The following CRYL1 variants were observed in gnomAD, a reference collection of about 807,000 sequenced individuals.
CRYL1 encodes lambda-crystallin homolog.
A neutral mutation model predicts 36.6 loss-of-function variants in CRYL1; 29 were observed. The ratio of observed to expected loss-of-function variants is 0.79; its 90% CI spans 0.59 to 1.08. The LOEUF (loss-of-function observed/expected upper bound fraction) is 1.08. CRYL1 is among the 50% of genes least tolerant of loss of function. The pLI, the probability that CRYL1 is intolerant of heterozygous loss-of-function variation, is 0.00. For missense variants in CRYL1, 411 were observed against 407.9 expected (o/e 1.01, Z -0.06); for synonymous variants, 152 against 151.5 (o/e 1.00, Z -0.02).
chr13:20,487,508 A>C (rs924225394), intron 3 of CRYL1, among the ~76,000 whole-genome samples: 2 of 152,250 alleles, frequency 1.3e-5, no homozygotes, highest in Admixed American at 6.5e-5. Flanking sequence ...TGGAGATATC[A>C]GCCCAGAGTT....
chr13:20,436,980 C>T (rs2032233891), intron 4 of CRYL1, among the ~76,000 whole-genome samples: 2 of 151,994 alleles, frequency 1.3e-5, no homozygotes, highest in African/African-American at 4.8e-5. Flanking sequence ...CCTGTCCAGT[C>T]CCCTAGAGGT....
At chr13:20,413,515 C>T (rs2137367022) in intron 5 of CRYL1, 128 bp from the exon 6 acceptor site, 2 of 593,772 alleles carry the variant, frequency 3.4e-6, no homozygotes, top group Non-Finnish European at 6.1e-6. Context: ...AGGGTGAGTA[C>T]CACTTACCGA....
At chr13:20,492,842 G>T (rs9552206) in intron 2 of CRYL1, among the ~76,000 whole-genome samples, 3 of 152,050 alleles carry the variant, frequency 2.0e-5, no homozygotes, top group Non-Finnish European at 4.4e-5. Flanking sequence ...ACTTGGGGGT[G>T]CTACCAACCA....
intron 2 of CRYL1, among the ~76,000 whole-genome samples, chr13:20,495,908 C>T (rs1214538309): frequency 6.6e-6 from 1 of 152,198 alleles, no homozygotes. Flanking sequence ...GGCGATTCTC[C>T]TGCCTCAGCT....
At chr13:20,431,864 G>A in intron 5 of CRYL1, 2 of 1,468,496 alleles carry the variant, frequency 1.4e-6, no homozygotes, top group Non-Finnish European at 1.8e-6. Flanking sequence ...ATCGTGTCCT[G>A]GTATCAGGTG....
intron 2 of CRYL1, among the ~76,000 whole-genome samples, chr13:20,493,841 G>A (rs972437147): frequency 1.3e-5 from 2 of 152,182 alleles, no homozygotes; most frequent in Non-Finnish European, 2.9e-5. Context: ...TAACTGCTGT[G>A]AGCTGCCAGA....
rs925062804 is a variant in CRYL1, at chr13:20,413,368, C to T, written c.653G>A (p.Ser218Asn). ...TTCTGACATGACAAGGTCCAGGTCA[C>T]TAGGAGACACGATTCCTTCCTACGT... ...RLVEEGIVSPSDLDLVMSEGL... is the reference protein window; with the variant it reads ...RLVEEGIVSPNDLDLVMSEGL... Residue 218 changes from serine to asparagine, a missense_variant, in exon 6 of 8, where the codon AGT becomes AAT. Physicochemically the swap from Ser to Asn is conservative, Grantham distance 46. Coordinates refer to ENST00000298248, the MANE Select transcript of CRYL1 (RefSeq NM_015974.3). 3.1e-6 allele frequency: 5 copies of T among 1,612,602 alleles called. No individual in the cohort carries two copies. The highest frequency in any genetic ancestry group is 4.2e-6 in the Non-Finnish European group (5 of 1,179,134).
At chr13:20,454,419 GTTT>G (rs59272530) in intron 3 of CRYL1, among the ~76,000 whole-genome samples, 1 of 133,988 alleles carries the variant, frequency 7.5e-6, no homozygotes, top group Non-Finnish European at 1.6e-5. Flanking sequence ...ATTCGTGTTT[GTTT>G]TTTTTTTTTT....
chr13:20,460,663 C>T (rs1465985036), intron 3 of CRYL1, among the ~76,000 whole-genome samples: 6 of 151,092 alleles, frequency 4.0e-5, no homozygotes, highest in African/African-American at 7.3e-5. Context: ...GTAGCCGGGA[C>T]TACAGGCGCC....
intron 3 of CRYL1, among the ~76,000 whole-genome samples, chr13:20,454,700 T>C (rs890878570): frequency 6.6e-6 from 1 of 152,168 alleles, no homozygotes; most frequent in Non-Finnish European, 1.5e-5. Flanking sequence ...ATTACAGGCG[T>C]GAGCCACCGC....
intron 2 of CRYL1, among the ~76,000 whole-genome samples, chr13:20,493,180 G>A (rs1042807295): frequency 2.6e-5 from 4 of 152,196 alleles, no homozygotes; most frequent in African/African-American, 9.7e-5. Context: ...CTTGGAACTG[G>A]TGCTCCGAGG....
intron 5 of CRYL1, chr13:20,430,512 C>T (rs907893674): frequency 2.0e-6 from 2 of 985,286 alleles, no homozygotes; most frequent in South Asian, 4.7e-5. Context: ...GGGTGGACAT[C>T]GTGAGTCAGC....
intron 3 of CRYL1, among the ~76,000 whole-genome samples, chr13:20,470,917 AAAAAAAAAAC>A (rs1317263918): frequency 2.0e-5 from 3 of 150,580 alleles, no homozygotes; most frequent in African/African-American, 7.4e-5. Flanking sequence ...TCTCAAAAAA[AAAAAAAAAAC>A]AAAAAAAAAA....
chr13:20,420,100 C>T (rs886913493), intron 5 of CRYL1, among the ~76,000 whole-genome samples: 7 of 152,232 alleles, frequency 4.6e-5, no homozygotes, highest in Admixed American at 6.5e-5. Context: ...GACATTCCTG[C>T]GGAATGACTT....
At chr13:20,424,942 T>C (rs1565959557) in intron 5 of CRYL1, among the ~76,000 whole-genome samples, 1 of 152,172 alleles carries the variant, frequency 6.6e-6, no homozygotes, top group Non-Finnish European at 1.5e-5. Flanking sequence ...CCCCTCCAGC[T>C]GAGGCATGGT....
chr13:20,470,025 G>A (rs912699587), intron 3 of CRYL1, among the ~76,000 whole-genome samples: 2 of 152,182 alleles, frequency 1.3e-5, no homozygotes, highest in African/African-American at 2.4e-5. Context: ...GAAGACTATC[G>A]ACAGTGCGAT....
At chr13:20,444,115 A>G (rs556665318) in intron 3 of CRYL1, among the ~76,000 whole-genome samples, 18 of 152,326 alleles carry the variant, frequency 1.2e-4, no homozygotes, top group Non-Finnish European at 1.5e-5. Context: ...GGACACCATA[A>G]TTATTTACAT....
chr13:20,412,553 TA>T (rs969449017), intron 6 of CRYL1, among the ~76,000 whole-genome samples: 3 of 152,268 alleles, frequency 2.0e-5, no homozygotes, highest in Non-Finnish European at 4.4e-5. Context: ...TACATAGTTT[TA>T]AAATTTTACT....
chr13:20,513,337 G>A (rs2033947367), intron 1 of CRYL1: 1 of 152,168 alleles, frequency 6.6e-6, no homozygotes, highest in African/African-American at 2.4e-5. Flanking sequence ...TAATTTAAAA[G>A]AACAGAGAGA....
Sources: gnomAD v4.1 joint callset for allele counts (sites outside exome capture counted in the v4.1 genomes callset) on GRCh38, gnomAD v4.1.1 for gene constraint, MANE v1.5 for transcripts, NCBI Gene and HGNC (gene_info 2026-07-23, HGNC 2026-07-21) for gene names.